SHB: variants seen among roughly 807,000 people sequenced by gnomAD.
SHB encodes the protein SH2 domain-containing adapter protein B.
SHB carries 20 observed loss-of-function variants against 52.3 expected under a neutral mutation model. The ratio of observed to expected loss-of-function variants is 0.38; its 90% CI spans 0.27 to 0.56. The LOEUF is 0.56. SHB is among the 20% of genes least tolerant of loss of function. The probability of loss-of-function intolerance (pLI) is 0.71; values close to 1 mark genes in which losing one functional copy is unlikely to be tolerated. For missense variants in SHB, 825 were observed against 723.3 expected (o/e 1.14, Z -1.61); for synonymous variants, 397 against 316.5 (o/e 1.25, Z -2.70).
chr9:38,044,922 AGAG>A (rs1821630832), intron 1 of SHB, among the ~76,000 whole-genome samples: 1 of 152,164 alleles, frequency 6.6e-6, no homozygotes, highest in Non-Finnish European at 1.5e-5. Context: ...ATGTGTACAC[AGAG>A]GAGGGAGGGG....
intron 5 of SHB, among the ~76,000 whole-genome samples, chr9:37,945,256 A>T (rs540755767): frequency 1.3e-5 from 2 of 152,210 alleles, no homozygotes; most frequent in South Asian, 4.1e-4. Flanking sequence ...CCTGCCAGGC[A>T]AGCCTTGAGT....
chr9:38,057,934 T>A (rs1167887632), intron 1 of SHB, among the ~76,000 whole-genome samples: 1 of 152,236 alleles, frequency 6.6e-6, no homozygotes, highest in African/African-American at 2.4e-5. Flanking sequence ...ATCGCTGCAC[T>A]GTCTCCACCG....
intron 4 of SHB, among the ~76,000 whole-genome samples, chr9:37,950,107 T>A (rs1482595561): frequency 2.6e-5 from 4 of 152,148 alleles, no homozygotes; most frequent in Non-Finnish European, 4.4e-5. Context: ...CCTGGCTATT[T>A]TAAAATCTTT....
At chr9:38,050,555 T>C (rs1372662619) in intron 1 of SHB, among the ~76,000 whole-genome samples, 1 of 152,146 alleles carries the variant, frequency 6.6e-6, no homozygotes, top group African/African-American at 2.4e-5. Context: ...GAACAAAATA[T>C]ATGTTTTGTT....
rs111733894 is a variant in SHB at position 37,917,385 on chromosome 9, A to G, written c.*2436T>C. ...CCCTAAGAGGCCAAGTCAGGGCCAG[A>G]GGGCACAGCTGCCAGCTTCCACTGA... On this transcript the variant is annotated 3_prime_UTR_variant, in exon 6 of 6. Transcript: ENST00000377707. Among the ~76,000 whole-genome samples, 1,104 of 152,280 alleles carry G rather than the reference A, an allele frequency of 7.2e-3. 13 individuals carry two copies. The highest frequency in any genetic ancestry group is 0.025 in the African/African-American group (1,046 of 41,542).
chr9:38,006,774 G>A (rs1821080782), intron 2 of SHB, among the ~76,000 whole-genome samples: 1 of 152,200 alleles, frequency 6.6e-6, no homozygotes, highest in Non-Finnish European at 1.5e-5. Flanking sequence ...GAAAACCAAT[G>A]GCAACCCTCA....
chr9:38,064,940 C>G (rs185540382), intron 1 of SHB, among the ~76,000 whole-genome samples: 119 of 152,270 alleles, frequency 7.8e-4, no homozygotes, highest in African/African-American at 2.7e-3. Flanking sequence ...CTGGGCAACA[C>G]AGAGAGACCT....
rs1352217991 is a variant in SHB at position 38,014,990 on chromosome 9, A to C, written c.838+1021T>G. On this transcript the variant is annotated intron_variant, in intron 2 of 5. Transcript: ENST00000377707. ...GCAAAAAACCAAACAAAAACCAGAC[A>C]AACAATAAGAGGGCCACAGAAAGAG... 2.0e-5 allele frequency among the ~76,000 whole-genome samples: 3 copies of C among 152,228 alleles called. No homozygotes were observed. In the East Asian group the frequency reaches 5.8e-4, roughly 29 times the overall value.
At chr9:38,052,275 G>C (rs974374442) in intron 1 of SHB, among the ~76,000 whole-genome samples, 11 of 151,548 alleles carry the variant, frequency 7.3e-5, no homozygotes, top group African/African-American at 1.5e-4. Flanking sequence ...GTCCTTTCCT[G>C]CTCCATGTTT....
Position 37,956,047 on chromosome 9 carries a change from A to G in SHB, c.1062T>C (p.Phe354=), listed in dbSNP as rs764455046. ...RVTIPALAAQ[F]NGNEKRQSSP... The stretch of plus-strand genomic sequence containing the variant: ...ATGACTGCCGCTTCTCGTTGCCATT[A>G]AACTGTGCTGTGGGGAGAGAGAGAA... Residue 354 remains phenylalanine, a synonymous_variant, in exon 4 of 6, where the codon TTT becomes TTC. Coordinates refer to ENST00000377707, the MANE Select transcript of SHB (RefSeq NM_003028.3). 6 of 1,560,444 alleles carry G rather than the reference A, an allele frequency of 3.8e-6. No homozygotes were observed. In the South Asian group the frequency reaches 7.1e-5, roughly 18 times the overall value.
rs369362327 is a variant in SHB at position 37,964,689 on chromosome 9, A to G, written c.1055-8635T>C. ...AGTCCTGGAGGCCCCTAACAAGTTCAGCATAAACCCTGTGTGAGTGCAATA... is the reference window on the plus strand; with the variant it reads ...AGTCCTGGAGGCCCCTAACAAGTTCGGCATAAACCCTGTGTGAGTGCAATA... On this transcript the variant is annotated intron_variant, in intron 3 of 5. Coordinates refer to ENST00000377707, the MANE Select transcript of SHB (RefSeq NM_003028.3). 5.3e-5 allele frequency among the ~76,000 whole-genome samples: 8 copies of G among 152,320 alleles called. No individual in the cohort carries two copies. The East Asian group carries it at 1.5e-3, about 29-fold the overall frequency.
rs116101408 is a variant in SHB, at chr9:38,057,452, T to A, written c.717+10477A>T. Among the ~76,000 whole-genome samples the A allele has an allele frequency of 4.0e-3, 606 of 152,306 alleles. 2 individuals carry two copies. The highest frequency in any genetic ancestry group is 0.014 in the African/African-American group (567 of 41,558). The stretch of plus-strand genomic sequence containing the variant: ...CTATACCAAACTTGTCTTAATTTTG[T>A]TATAAGGGGTAAAAGGTTAGTCAAA... On this transcript the variant is annotated intron_variant, in intron 1 of 5. Coordinates refer to ENST00000377707, the MANE Select transcript of SHB (RefSeq NM_003028.3).
intron 1 of SHB, among the ~76,000 whole-genome samples, chr9:38,044,217 G>A (rs1311069285): frequency 5.9e-5 from 9 of 152,354 alleles, no homozygotes; most frequent in Non-Finnish European, 1.3e-4. Flanking sequence ...ATAATGGGGT[G>A]AGCGCGACAC....
At chr9:38,026,418 C>T (rs1034048027) in intron 1 of SHB, among the ~76,000 whole-genome samples, 1 of 152,256 alleles carries the variant, frequency 6.6e-6, no homozygotes, top group Non-Finnish European at 1.5e-5. Flanking sequence ...GATCATTTCT[C>T]CCCGAACGGG....
chr9:37,921,604 G>C (rs1462348910), intron 5 of SHB, among the ~76,000 whole-genome samples: 1 of 152,172 alleles, frequency 6.6e-6, no homozygotes, highest in Non-Finnish European at 1.5e-5. Flanking sequence ...TTTAAATCAA[G>C]ATTTTTTTTA....
chr9:38,042,656 G>C (rs958679858), intron 1 of SHB, among the ~76,000 whole-genome samples: 2 of 152,200 alleles, frequency 1.3e-5, no homozygotes, highest in African/African-American at 4.8e-5. Flanking sequence ...GCTTCCCTCG[G>C]AAATCACTTG....
At position 38,068,236 on chromosome 9, in the gene SHB, G is replaced by A. The variant is rs1477639172; in HGVS notation, c.410C>T (p.Ala137Val). The change falls in exon 1 of 6, where the codon GCG becomes GTG. Residue 137 changes from alanine to valine, a missense_variant. Coordinates refer to ENST00000377707, the MANE Select transcript of SHB (RefSeq NM_003028.3). ...AFSASSASGA[A>V]GCCCASSGAG... ...GCCCGAGGAGGCGCAGCAACAGCCC[G>A]CGGCGCCCGACGCGGACGAGGCCGA... 1.4e-6 allele frequency: 2 copies of A among 1,398,382 alleles called. No homozygotes were observed. Among genetic ancestry groups the A allele is most frequent in the Non-Finnish European group, 1.8e-6 (2 of 1,088,650 alleles). The allele number at this position is 1,398,382 out of a possible 1,614,324, so 86.6% of individuals were successfully genotyped here. A position where few individuals can be genotyped will look rare whatever the true frequency, so the allele number is the denominator to read the frequency against.
chr9:37,937,684 C>T (rs567131993), intron 5 of SHB, among the ~76,000 whole-genome samples: 7 of 152,312 alleles, frequency 4.6e-5, no homozygotes, highest in East Asian at 1.9e-4. Flanking sequence ...ATTTGAACTG[C>T]GGGAGCGAAG....
intron 1 of SHB, among the ~76,000 whole-genome samples, chr9:38,057,911 C>T (rs922558251): frequency 1.3e-5 from 2 of 152,198 alleles, no homozygotes; most frequent in African/African-American, 4.8e-5. Context: ...CCAGCCCTGT[C>T]CCTGGAGACT....
Sources: gnomAD v4.1 joint callset for allele counts (sites outside exome capture counted in the v4.1 genomes callset) on GRCh38, gnomAD v4.1.1 for gene constraint, MANE v1.5 for transcripts, NCBI Gene and HGNC (gene_info 2026-07-23, HGNC 2026-07-21) for gene names.